PARD3B: variants seen among roughly 807,000 people sequenced by gnomAD.
PARD3B encodes partitioning defective 3 homolog B.
A neutral mutation model predicts 130.2 loss-of-function variants in PARD3B; 103 were observed. The observed-to-expected ratio is 0.79, with a 90% CI of 0.67 to 0.93. PARD3B has a LOEUF of 0.93. Among genes scored for constraint, PARD3B ranks in the 40% least tolerant of loss-of-function variants. The pLI is 0.00. For missense variants in PARD3B, 1,609 were observed against 1,499.2 expected, an observed-to-expected ratio of 1.07 and a Z score of -1.21; for synonymous variants, 583 against 553.2, an observed-to-expected ratio of 1.05 and a Z score of -0.76.
intron 18 of PARD3B, among the ~76,000 whole-genome samples, chr2:205,328,823 C>G (rs549653971): frequency 2.4e-4 from 37 of 152,098 alleles, no homozygotes; most frequent in Non-Finnish European, 4.4e-4. Flanking sequence ...TATCATATGT[C>G]TTCTAAAAGG....
At chr2:205,206,145 C>G (rs1037158328) in intron 15 of PARD3B, among the ~76,000 whole-genome samples, 1 of 149,280 alleles carries the variant, frequency 6.7e-6, no homozygotes, top group Non-Finnish European at 1.5e-5. Flanking sequence ...TGAACTTTTT[C>G]TTATCACTTG....
chr2:205,606,099 C>T (rs1213512372), intron 22 of PARD3B, among the ~76,000 whole-genome samples: 3 of 152,052 alleles, frequency 2.0e-5, no homozygotes, highest in Non-Finnish European at 4.4e-5. Flanking sequence ...TCCCTGGCGC[C>T]AGCAGGGGAA....
chr2:205,268,675 T>C lies in PARD3B; in HGVS notation c.2185+22853T>C, dbSNP rs1437266839. On this transcript the variant is annotated intron_variant, in intron 16 of 22. Coordinates refer to ENST00000406610, the MANE Select transcript of PARD3B (RefSeq NM_001302769.2). This position sits in a 1 kb window ranked among gnomAD's most constrained non-coding sequence, Gnocchi z 4.1. ...TATTTAAAATTTTACTTCTGAGATA[T>C]ATGATGAGTCCAAAATAAGTTTTAA... is the stretch of plus-strand genomic sequence containing the variant. Among the ~76,000 whole-genome samples, 2 of 152,148 alleles carry C rather than the reference T, an allele frequency of 1.3e-5. No homozygotes were observed. Among genetic ancestry groups the C allele is most frequent in the East Asian group, 3.8e-4 (2 of 5,196 alleles).
chr2:205,001,189 A>T (rs4673311), intron 3 of PARD3B, among the ~76,000 whole-genome samples: 53,253 of 151,874 alleles, frequency 0.35, 9,647 homozygotes, highest in Admixed American at 0.45. Flanking sequence ...GGGTTTCACC[A>T]TGTTGGCCAG....
At chr2:204,876,891 T>A (rs1387109696) in intron 2 of PARD3B, among the ~76,000 whole-genome samples, 1 of 152,194 alleles carries the variant, frequency 6.6e-6, no homozygotes, top group Non-Finnish European at 1.5e-5. Flanking sequence ...TGAAGTACAG[T>A]GGACCCTTAA....
chr2:204,676,856 G>A (rs2036574577), intron 1 of PARD3B, among the ~76,000 whole-genome samples: 1 of 151,956 alleles, frequency 6.6e-6, no homozygotes, highest in South Asian at 2.1e-4. Context: ...TTTTAGTAGA[G>A]ACAGGGTTTC....
At position 205,220,588 on chromosome 2, in the gene PARD3B, C is replaced by T. The variant is rs888727979; in HGVS notation, c.2141-25190C>T. On this transcript the variant is annotated intron_variant, in intron 15 of 22. Transcript: ENST00000406610. ...ATAAAACAGTGAACAAAGTAAAGCT[C>T]ATGTCCACGTGAAGCTTATGTTTTC... is the stretch of plus-strand genomic sequence containing the variant. Among the ~76,000 whole-genome samples the T allele has an allele frequency of 3.3e-5, 5 of 152,264 alleles. No individual in the cohort carries two copies. In the East Asian group the frequency reaches 9.6e-4, roughly 29 times the overall value.
At position 204,885,292 on chromosome 2, in the gene PARD3B, A is replaced by C. The variant is rs189307359; in HGVS notation, c.223-79860A>C. On this transcript the variant is annotated intron_variant, in intron 2 of 22. Transcript: ENST00000406610. ...GTATATCTTCTTTTGAAAAGTGTCT[A>C]TTCATGTCCTTTGCCCACTTTTTAA... Among the ~76,000 whole-genome samples, 6 of 152,180 alleles carry C rather than the reference A, an allele frequency of 3.9e-5. No homozygotes were observed. In the East Asian group the frequency reaches 1.2e-3, roughly 30 times the overall value.
At position 205,128,633 on chromosome 2, in the gene PARD3B, T is replaced by C. The variant is rs1358384714; in HGVS notation, c.1434+2896T>C. On this transcript the variant is annotated intron_variant, in intron 10 of 22. Coordinates refer to ENST00000406610, the MANE Select transcript of PARD3B (RefSeq NM_001302769.2). The surrounding 1 kb of genome is among the most constrained non-coding windows in gnomAD (Gnocchi z 4.5). ...GATAATACAGGCAAAGCTTGTAGCA[T>C]AGTTTCTGGCTAATTGTAAGTTCTC... Among the ~76,000 whole-genome samples, 2 of 152,196 alleles carry C rather than the reference T, an allele frequency of 1.3e-5. No homozygotes were observed. The highest frequency in any genetic ancestry group is 2.9e-5 in the Non-Finnish European group (2 of 68,036).
intron 2 of PARD3B, among the ~76,000 whole-genome samples, chr2:204,714,653 A>AT (rs933270751): frequency 1.8e-4 from 28 of 152,322 alleles, no homozygotes; most frequent in African/African-American, 6.7e-4. Context: ...GAATATGCAC[A>AT]TAAGTACTCC....
At chr2:205,570,677 C>T (rs935245580) in intron 22 of PARD3B, among the ~76,000 whole-genome samples, 1 of 152,186 alleles carries the variant, frequency 6.6e-6, no homozygotes, top group African/African-American at 2.4e-5. Flanking sequence ...TCCTCGCTCC[C>T]ACCCATTGCA....
At chr2:205,469,724 G>A (rs371694724) in intron 20 of PARD3B, among the ~76,000 whole-genome samples, 4 of 152,226 alleles carry the variant, frequency 2.6e-5, no homozygotes, top group East Asian at 3.9e-4. Context: ...CATTTCTACT[G>A]TTACATCCCA....
At position 205,096,644 on chromosome 2, in the gene PARD3B, T is replaced by G. The variant is rs550335214; in HGVS notation, c.505-7782T>G. 2.6e-5 allele frequency among the ~76,000 whole-genome samples: 4 copies of G among 152,314 alleles called. No individual in the cohort carries two copies. The East Asian group carries it at 7.7e-4, about 29-fold the overall frequency. On this transcript the variant is annotated intron_variant, in intron 4 of 22. Transcript: ENST00000406610. The stretch of plus-strand genomic sequence containing the variant: ...TTATCCCATATGCATTCAGGTAATT[T>G]ATCCACATGGCTTAGTGTGTGTTTG...
At chr2:205,039,501 G>T (rs969665768) in intron 3 of PARD3B, among the ~76,000 whole-genome samples, 1 of 151,804 alleles carries the variant, frequency 6.6e-6, no homozygotes, top group Non-Finnish European at 1.5e-5. Flanking sequence ...ACGGAATCTC[G>T]CTTTGTCACC....
chr2:205,170,475 C>T (rs2035095423), intron 11 of PARD3B, among the ~76,000 whole-genome samples: 1 of 152,284 alleles, frequency 6.6e-6, no homozygotes, highest in Non-Finnish European at 1.5e-5. Context: ...CTATTGATCC[C>T]ATTACCCTGC....
chr2:204,563,219 C>CTCTT (rs1027332483), intron 1 of PARD3B, among the ~76,000 whole-genome samples: 1 of 69,522 alleles, frequency 1.4e-5, no homozygotes, highest in Non-Finnish European at 2.8e-5. Context: ...TTCCCGCTGT[C>CTCTT]TCTCTCTCTC....
intron 4 of PARD3B, among the ~76,000 whole-genome samples, chr2:205,094,622 T>TA (rs1480573103): frequency 6.6e-6 from 1 of 152,190 alleles, no homozygotes; most frequent in African/African-American, 2.4e-5. Flanking sequence ...GTCTGTGGAT[T>TA]AAAAATTTTC....
rs371201139 is a variant in PARD3B at position 204,965,262 on chromosome 2, A to C, written c.333A>C (p.Gln111His). The C allele has an allele frequency of 8.1e-6, 13 of 1,613,900 alleles. No homozygotes were observed. The highest frequency in any genetic ancestry group is 1.1e-5 in the Non-Finnish European group (13 of 1,179,906). ...CTTTTGAGACAGAAGTGGCCGCCCA[A>C]CTGGCCGCATTTAAGCCAATTGGTG... Reference protein sequence around the residue: ...PDAFETEVAAQLAAFKPIGGE... With the variant: ...PDAFETEVAAHLAAFKPIGGE... Residue 111 changes from glutamine to histidine, a missense_variant, in exon 3 of 23, where the codon CAA (glutamine) becomes CAC (histidine). Physicochemically the swap from Gln to His is conservative, Grantham distance 24. Transcript: ENST00000406610.
intron 18 of PARD3B, among the ~76,000 whole-genome samples, chr2:205,394,013 G>T (rs1027493710): frequency 1.3e-5 from 2 of 152,034 alleles, no homozygotes; most frequent in African/African-American, 2.4e-5. Flanking sequence ...GGATTCTAGG[G>T]ACTTAGTTTA....
Sources: allele counts gnomAD v4.1 joint callset (sites outside exome capture counted in the v4.1 genomes callset), GRCh38; gene constraint gnomAD v4.1.1; non-coding constraint Gnocchi (gnomAD v3.1); transcripts MANE v1.5; gene names NCBI Gene and HGNC (gene_info 2026-07-23, HGNC 2026-07-21).